Variants in SPADH observed in about 807,000 individuals in gnomAD.
The protein encoded by SPADH is spermadhesin family member, also known as CUB domain-containing protein.
chr10:122,679,474 T>C, the SPADH span, among the ~76,000 whole-genome samples: 1 of 150,062 alleles, frequency 6.7e-6, no homozygotes, highest in Non-Finnish European at 1.5e-5. Flanking sequence ...TATATAATCC[T>C]AGAAAATATA....
chr10:122,674,768 C>T, the SPADH span, among the ~76,000 whole-genome samples: 3 of 152,348 alleles, frequency 2.0e-5, 1 homozygote, highest in Middle Eastern at 0.01. Context: ...CTACCCTGTG[C>T]TGGGCATTGG....
At chr10:122,675,842 C>T in the SPADH span, among the ~76,000 whole-genome samples, 1 of 152,200 alleles carries the variant, frequency 6.6e-6, no homozygotes, top group African/African-American at 2.4e-5. Flanking sequence ...CCCTCCCACC[C>T]TCTCAGTGCT....
the SPADH span, among the ~76,000 whole-genome samples, chr10:122,674,797 C>T: frequency 6.6e-6 from 1 of 152,236 alleles, no homozygotes; most frequent in African/African-American, 2.4e-5. Flanking sequence ...CTCGTGCACC[C>T]AGCTTCATCC....
the SPADH span, chr10:122,676,844 C>T: frequency 3.0e-6 from 3 of 985,098 alleles, no homozygotes; most frequent in African/African-American, 5.2e-5. Flanking sequence ...TCTGGATCAT[C>T]GAGTTGAACC....
At chr10:122,678,770 T>G in the SPADH span, 1 of 240,832 alleles carries the variant, frequency 4.2e-6, no homozygotes, top group Non-Finnish European at 6.7e-6. Flanking sequence ...CTAGTGTGGA[T>G]TCATTGGTGG....
chr10:122,673,160 T>C, the SPADH span, among the ~76,000 whole-genome samples: 5,440 of 152,340 alleles, frequency 0.036, 120 homozygotes, highest in East Asian at 0.12. Context: ...TCTGGGTTCC[T>C]GAGTTCCCGG....
At chr10:122,677,746 G>A in the SPADH span, among the ~76,000 whole-genome samples, 6 of 152,140 alleles carry the variant, frequency 3.9e-5, no homozygotes, top group South Asian at 2.1e-4. Context: ...ATCCCACTAC[G>A]TTATGCAGGA....
chr10:122,677,803 G>T, the SPADH span, among the ~76,000 whole-genome samples: 8 of 152,064 alleles, frequency 5.3e-5, no homozygotes, highest in Non-Finnish European at 1.0e-4. Context: ...TCAAATACGG[G>T]GCTTAAACTG....
chr10:122,679,476 G>T, the SPADH span, among the ~76,000 whole-genome samples: 5 of 149,580 alleles, frequency 3.3e-5, no homozygotes, highest in Non-Finnish European at 5.9e-5. Flanking sequence ...TATAATCCTA[G>T]AAAATATATA....
At chr10:122,679,030 C>A in the SPADH span, 3 of 985,160 alleles carry the variant, frequency 3.0e-6, no homozygotes, top group Non-Finnish European at 3.6e-6. Context: ...ACTTTGTTGA[C>A]GCTTGGTCAA....
the SPADH span, chr10:122,676,651 G>A: frequency 1.0e-5 from 9 of 880,776 alleles, no homozygotes; most frequent in Non-Finnish European, 1.2e-5. Context: ...CCCAAGGATG[G>A]GAAGTTGGGA....
the SPADH span, chr10:122,675,722 C>G: frequency 1.6e-5 from 13 of 836,018 alleles, no homozygotes; most frequent in African/African-American, 2.4e-4. Flanking sequence ...CACAGAGACA[C>G]TGTTTTGGGG....
chr10:122,676,971 C>A, the SPADH span: 18 of 915,110 alleles, frequency 2.0e-5, no homozygotes, highest in Non-Finnish European at 2.2e-5. Context: ...ATATGGTTCA[C>A]CTTCCACCCT....
At chr10:122,676,003 C>T in the SPADH span, among the ~76,000 whole-genome samples, 1 of 152,216 alleles carries the variant, frequency 6.6e-6, no homozygotes, top group Non-Finnish European at 1.5e-5. Flanking sequence ...CTCTTCTAAA[C>T]ACCTGGAGTC....
At chr10:122,678,360 C>T in the SPADH span, among the ~76,000 whole-genome samples, 3 of 152,144 alleles carry the variant, frequency 2.0e-5, no homozygotes, top group East Asian at 3.9e-4. Flanking sequence ...GGGGGTCATG[C>T]TTCACCTCTT....
chr10:122,676,783 C>CA, the SPADH span: 1 of 985,398 alleles, frequency 1.0e-6, no homozygotes, highest in Non-Finnish European at 1.2e-6. Context: ...GGCCACTACA[C>CA]AGATGAATAT....
the SPADH span, chr10:122,676,769 T>G: frequency 1.0e-6 from 1 of 985,222 alleles, no homozygotes; most frequent in South Asian, 4.7e-5. Context: ...CCAGTGACTG[T>G]GGGGGCCACT....
At chr10:122,674,409 G>A in the SPADH span, among the ~76,000 whole-genome samples, 1 of 152,234 alleles carries the variant, frequency 6.6e-6, no homozygotes, top group East Asian at 1.9e-4. Flanking sequence ...CTAGATGAAA[G>A]GAATTTAAGG....
At chr10:122,679,323 A>G in the SPADH span, among the ~76,000 whole-genome samples, 2 of 152,080 alleles carry the variant, frequency 1.3e-5, no homozygotes, top group Admixed American at 6.6e-5. Flanking sequence ...TTGATATAGA[A>G]GTGGGTATCT....
Sources: gnomAD v4.1 joint callset for allele counts (sites outside exome capture counted in the v4.1 genomes callset) on GRCh38, gnomAD v4.1.1 for gene constraint, MANE v1.5 for transcripts, NCBI Gene and HGNC (gene_info 2026-07-23, HGNC 2026-07-21) for gene names.